RUNX2: variants seen among roughly 807,000 people sequenced by gnomAD.
RUNX2 encodes the protein runt-related transcription factor 2.
Under a neutral mutation model 51.7 loss-of-function variants are expected in RUNX2, and 10 were observed. That is an observed-to-expected ratio of 0.19 (90% CI 0.12 to 0.33). RUNX2 has a LOEUF of 0.33. Among genes scored for constraint, RUNX2 ranks in the 10% least tolerant of loss-of-function variants. The pLI, the probability that RUNX2 is intolerant of heterozygous loss-of-function variation, is 1.00. For synonymous variants in RUNX2, 276 were observed against 273.6 expected, an observed-to-expected ratio of 1.01 and a Z score of -0.09; for missense variants, 562 against 691.3, an observed-to-expected ratio of 0.81 and a Z score of 2.10.
At position 45,516,796 on chromosome 6, in the gene RUNX2, C is replaced by A. The variant is rs192525572; in HGVS notation, c.1021+4389C>A. The stretch of plus-strand genomic sequence containing the variant: ...TGACACAAAGATTATAATTACATTT[C>A]TGGAAGTCATTACAAAATACTATGT... On this transcript the variant is annotated intron_variant, in intron 7 of 8. Transcript: ENST00000647337. 1.8e-3 allele frequency among the ~76,000 whole-genome samples: 277 copies of A among 152,334 alleles called. 1 individual carries two copies. Among genetic ancestry groups the A allele is most frequent in the Non-Finnish European group, 3.1e-3 (208 of 68,028 alleles).
chr6:45,436,935 G>A (rs1302676343), intron 4 of RUNX2, among the ~76,000 whole-genome samples: 1 of 152,198 alleles, frequency 6.6e-6, no homozygotes, highest in Non-Finnish European at 1.5e-5. Context: ...ACTCTGGCCT[G>A]AGATTGCTGA....
chr6:45,409,795 C>T (rs1797911710), intron 2 of RUNX2, among the ~76,000 whole-genome samples: 1 of 152,146 alleles, frequency 6.6e-6, no homozygotes, highest in Admixed American at 6.5e-5. Flanking sequence ...TTGATTGACA[C>T]TTATTTCACT....
At chr6:45,460,269 T>C (rs1799435339) in intron 5 of RUNX2, among the ~76,000 whole-genome samples, 1 of 152,086 alleles carries the variant, frequency 6.6e-6, no homozygotes, top group African/African-American at 2.4e-5. Flanking sequence ...ACCAGTGAGA[T>C]AGGAAGAGTC....
At chr6:45,537,548 C>T (rs1359877871) in intron 7 of RUNX2, among the ~76,000 whole-genome samples, 5 of 152,300 alleles carry the variant, frequency 3.3e-5, no homozygotes, top group Admixed American at 1.3e-4. Flanking sequence ...GTGCTTTGAT[C>T]GAGTACTTCT....
intron 6 of RUNX2, among the ~76,000 whole-genome samples, chr6:45,495,353 T>C (rs1368682465): frequency 6.6e-6 from 1 of 152,240 alleles, no homozygotes; most frequent in Non-Finnish European, 1.5e-5. Context: ...TTAACTCTTC[T>C]TTCTAATTTC....
At chr6:45,366,091 T>C (rs1795089148) in intron 2 of RUNX2, among the ~76,000 whole-genome samples, 2 of 152,202 alleles carry the variant, frequency 1.3e-5, no homozygotes, top group Non-Finnish European at 2.9e-5. Context: ...TCTATTACAC[T>C]ATTATACTGG....
At chr6:45,346,934 T>C (rs2150163727) in intron 2 of RUNX2, among the ~76,000 whole-genome samples, 1 of 152,136 alleles carries the variant, frequency 6.6e-6, no homozygotes, top group South Asian at 2.1e-4. Context: ...AACAAGTGCC[T>C]AAACAAAAAG....
intron 2 of RUNX2, among the ~76,000 whole-genome samples, chr6:45,359,862 G>T (rs1465821531): frequency 6.6e-6 from 1 of 152,100 alleles, no homozygotes; most frequent in East Asian, 1.9e-4. Context: ...TGGGCAACAC[G>T]ACAAAATCCT....
At chr6:45,392,482 C>G (rs912352458) in intron 2 of RUNX2, among the ~76,000 whole-genome samples, 5 of 152,130 alleles carry the variant, frequency 3.3e-5, no homozygotes, top group Non-Finnish European at 5.9e-5. Flanking sequence ...GCCTGGACAA[C>G]AGAGTGAGAT....
At chr6:45,341,754 T>C (rs1789830105) in intron 2 of RUNX2, among the ~76,000 whole-genome samples, 1 of 152,208 alleles carries the variant, frequency 6.6e-6, no homozygotes, top group African/African-American at 2.4e-5. Flanking sequence ...CAGATTCTGG[T>C]ACCCTATCTG....
chr6:45,359,030 A>T (rs1793762049), intron 2 of RUNX2, among the ~76,000 whole-genome samples: 1 of 152,104 alleles, frequency 6.6e-6, no homozygotes, highest in African/African-American at 2.4e-5. Flanking sequence ...AACTTCATCT[A>T]CCTGAATTTC....
intron 4 of RUNX2, among the ~76,000 whole-genome samples, chr6:45,437,033 C>A (rs1798704166): frequency 6.6e-6 from 1 of 152,166 alleles, no homozygotes; most frequent in African/African-American, 2.4e-5. Context: ...TTAACCGTTG[C>A]AAATCTAACT....
At chr6:45,485,691 G>GTATATATATATATATA (rs1368496560) in intron 5 of RUNX2, among the ~76,000 whole-genome samples, 9 of 82,240 alleles carry the variant, frequency 1.1e-4, no homozygotes, top group African/African-American at 2.8e-4. Context: ...GTGTGTGTGT[G>GTATATATATATATATA]TGTGTGTATA....
At chr6:45,469,213 A>G (rs890829360) in intron 5 of RUNX2, among the ~76,000 whole-genome samples, 4 of 152,108 alleles carry the variant, frequency 2.6e-5, no homozygotes, top group African/African-American at 9.7e-5. Context: ...CCTTTATGTT[A>G]TTTACATGTT....
chr6:45,451,691 A>C (rs2819867), intron 5 of RUNX2, among the ~76,000 whole-genome samples: 111,651 of 152,058 alleles, frequency 0.73, 41,908 homozygotes, highest in East Asian at 0.96. Flanking sequence ...TAGGTTTCAA[A>C]TGAATTAGGT....
intron 2 of RUNX2, among the ~76,000 whole-genome samples, chr6:45,335,908 TA>T (rs1430706200): frequency 6.6e-6 from 1 of 151,362 alleles, no homozygotes. Context: ...CTACTGCTCT[TA>T]TAAGAGTCAA....
At chr6:45,365,441 C>T in intron 2 of RUNX2, 1 of 585,760 alleles carries the variant, frequency 1.7e-6, no homozygotes, top group South Asian at 2.3e-5. Flanking sequence ...AACTGATTCA[C>T]TTATACTTAA....
At chr6:45,519,747 G>A (rs1382990493) in intron 7 of RUNX2, among the ~76,000 whole-genome samples, 2 of 149,030 alleles carry the variant, frequency 1.3e-5, no homozygotes, top group South Asian at 2.1e-4. Flanking sequence ...ATTCTACCCC[G>A]AATTGCATTC....
chr6:45,376,902 C>T (rs1796863597), intron 2 of RUNX2, among the ~76,000 whole-genome samples: 1 of 152,082 alleles, frequency 6.6e-6, no homozygotes, highest in African/African-American at 2.4e-5. Flanking sequence ...TATGTATATA[C>T]ATATATATAC....
Sources: allele counts gnomAD v4.1 joint callset (sites outside exome capture counted in the v4.1 genomes callset), GRCh38; gene constraint gnomAD v4.1.1; transcripts MANE v1.5; gene names NCBI Gene and HGNC (gene_info 2026-07-23, HGNC 2026-07-21).